The following GPM6A variants were observed in gnomAD, a reference collection of about 807,000 sequenced individuals.
GPM6A encodes the protein neuronal membrane glycoprotein M6-a.
GPM6A carries 7 observed loss-of-function variants against 32.1 expected under a neutral mutation model. The observed-to-expected ratio is 0.22, with a 90% CI of 0.12 to 0.41. GPM6A has a LOEUF of 0.41. GPM6A is among the 10% of genes least tolerant of loss of function. The pLI is 1.00. For missense variants in GPM6A, 235 were observed against 347.2 expected, an observed-to-expected ratio of 0.68 and a Z score of 2.57; for synonymous variants, 130 against 123.4, an observed-to-expected ratio of 1.05 and a Z score of -0.35.
intron 3 of GPM6A, among the ~76,000 whole-genome samples, chr4:175,667,390 C>A (rs2110964849): frequency 6.6e-6 from 1 of 152,210 alleles, no homozygotes; most frequent in African/African-American, 2.4e-5. Flanking sequence ...AGCCAATACT[C>A]CTTAAAACTG....
intron 1 of GPM6A, among the ~76,000 whole-genome samples, chr4:175,988,555 C>A (rs995924511): frequency 6.6e-6 from 1 of 152,176 alleles, no homozygotes; most frequent in Non-Finnish European, 1.5e-5. Flanking sequence ...CTTCAACAAC[C>A]AGCATGCAGC....
intron 6 of GPM6A, among the ~76,000 whole-genome samples, chr4:175,635,678 G>T (rs1182997057): frequency 1.3e-5 from 2 of 152,084 alleles, no homozygotes; most frequent in Non-Finnish European, 2.9e-5. Flanking sequence ...GAAGCTCCTG[G>T]TTTGTCTTGA....
At chr4:175,660,210 C>T (rs986379818) in intron 3 of GPM6A, among the ~76,000 whole-genome samples, 2 of 151,902 alleles carry the variant, frequency 1.3e-5, no homozygotes, top group Non-Finnish European at 2.9e-5. Flanking sequence ...CCAGCCTGAC[C>T]AACATGTTGA....
intron 1 of GPM6A, among the ~76,000 whole-genome samples, chr4:175,857,219 A>T (rs1736444838): frequency 6.6e-6 from 1 of 152,236 alleles, no homozygotes; most frequent in Non-Finnish European, 1.5e-5. Context: ...ACAAGCAATT[A>T]TATCACAAGC....
intron 1 of GPM6A, among the ~76,000 whole-genome samples, chr4:175,838,299 A>T (rs1314197227): frequency 6.6e-6 from 1 of 150,394 alleles, no homozygotes; most frequent in Non-Finnish European, 1.5e-5. Context: ...AGAAATAAAC[A>T]TCACCCTATC....
intron 1 of GPM6A, among the ~76,000 whole-genome samples, chr4:175,974,338 C>CTTGTCTGT (rs562149250): frequency 1.3e-5 from 2 of 151,900 alleles, no homozygotes; most frequent in African/African-American, 4.8e-5. Flanking sequence ...TCCTAAATGC[C>CTTGTCTGT]TTGTTTGTTT....
At chr4:175,835,073 T>A (rs993262200) in intron 1 of GPM6A, among the ~76,000 whole-genome samples, 24 of 152,216 alleles carry the variant, frequency 1.6e-4, no homozygotes, top group African/African-American at 5.8e-4. Context: ...GCTGCCGAAC[T>A]TTACCAGATT....
chr4:175,640,099 A>G (rs761603882), intron 6 of GPM6A, 30 bp downstream of exon 6: 3 of 1,567,350 alleles, frequency 1.9e-6, no homozygotes, highest in Non-Finnish European at 2.6e-6. Context: ...TTCACATTGA[A>G]AACCAAGCAC....
At chr4:175,924,415 C>T (rs1738765438) in intron 1 of GPM6A, among the ~76,000 whole-genome samples, 1 of 152,028 alleles carries the variant, frequency 6.6e-6, no homozygotes, top group Admixed American at 6.6e-5. Flanking sequence ...TTGCTAAAGA[C>T]TGCGAAAGGA....
intron 1 of GPM6A, among the ~76,000 whole-genome samples, chr4:175,823,698 G>A (rs1440283078): frequency 2.0e-5 from 3 of 152,014 alleles, no homozygotes; most frequent in Non-Finnish European, 4.4e-5. Flanking sequence ...TAAGCGTTTT[G>A]GTATTTTTGC....
At chr4:175,699,406 C>G (rs1744748105) in intron 2 of GPM6A, among the ~76,000 whole-genome samples, 2 of 152,130 alleles carry the variant, frequency 1.3e-5, no homozygotes, top group African/African-American at 4.8e-5. Flanking sequence ...AAACTGTCTA[C>G]TAATGCTTAA....
At chr4:175,937,569 T>C (rs1739279902) in intron 1 of GPM6A, among the ~76,000 whole-genome samples, 2 of 152,126 alleles carry the variant, frequency 1.3e-5, no homozygotes, top group African/African-American at 4.8e-5. Context: ...GATTAATGAA[T>C]GAACAAGTCA....
intron 3 of GPM6A, among the ~76,000 whole-genome samples, chr4:175,668,462 AAG>A (rs1742868742): frequency 7.0e-6 from 1 of 143,060 alleles, no homozygotes; most frequent in East Asian, 2.3e-4. Flanking sequence ...AGTTTCTAGA[AAG>A]AGGCAAGGCT....
At chr4:175,752,576 C>T (rs762341160) in intron 1 of GPM6A, among the ~76,000 whole-genome samples, 2 of 152,114 alleles carry the variant, frequency 1.3e-5, no homozygotes, top group African/African-American at 4.8e-5. Flanking sequence ...AAGAAAAAGC[C>T]TACAAGAAGA....
rs552060564 is a variant in GPM6A, at chr4:175,709,585, G to A, written c.38-7818C>T. On this transcript the variant is annotated intron_variant, in intron 1 of 6. Coordinates refer to ENST00000393658, the MANE Select transcript of GPM6A (RefSeq NM_201591.3). ...TCTGCTAAAAATACAAAAATTAGCC[G>A]AGCGTGGTGGCGCTCACTTGTAATC... Among the ~76,000 whole-genome samples, 26 of 151,828 alleles carry A rather than the reference G, an allele frequency of 1.7e-4. No individual in the cohort carries two copies. In the South Asian group the frequency reaches 4.6e-3, roughly 27 times the overall value.
intron 1 of GPM6A, among the ~76,000 whole-genome samples, chr4:175,747,269 C>CAAAAACAA (rs1732144344): frequency 9.1e-6 from 1 of 109,518 alleles, no homozygotes; most frequent in African/African-American, 3.7e-5. Context: ...ACTCCATCTC[C>CAAAAACAA]AAAAAAAAAA....
chr4:175,973,240 C>T (rs978149000), intron 1 of GPM6A, among the ~76,000 whole-genome samples: 2 of 152,136 alleles, frequency 1.3e-5, no homozygotes, highest in Non-Finnish European at 2.9e-5. Context: ...AAAAGCAGTC[C>T]ACGTCAACAG....
At chr4:175,781,323 T>A (rs1340686480) in intron 1 of GPM6A, 1 of 152,052 alleles carries the variant, frequency 6.6e-6, no homozygotes, top group East Asian at 1.9e-4. Flanking sequence ...GAAGGGGGTG[T>A]CAGGGAGGGG....
At chr4:175,693,317 GTA>G (rs1301939499) in intron 2 of GPM6A, among the ~76,000 whole-genome samples, 1 of 147,616 alleles carries the variant, frequency 6.8e-6, no homozygotes, top group African/African-American at 2.5e-5. Flanking sequence ...ACATATATAA[GTA>G]TATATATATT....
Sources: gnomAD v4.1 joint callset for allele counts (sites outside exome capture counted in the v4.1 genomes callset) on GRCh38, gnomAD v4.1.1 for gene constraint, MANE v1.5 for transcripts, NCBI Gene and HGNC (gene_info 2026-07-23, HGNC 2026-07-21) for gene names.